TJP1: variants seen among roughly 807,000 people sequenced by gnomAD.
TJP1 encodes the protein tight junction protein ZO-1.
TJP1 carries 43 observed loss-of-function variants against 194.2 expected under a neutral mutation model. The observed-to-expected ratio is 0.22, with a 90% CI of 0.17 to 0.29. The LOEUF (loss-of-function observed/expected upper bound fraction) is 0.29, where lower values mean the gene tolerates loss of function less well. Among genes scored for constraint, TJP1 ranks in the 10% least tolerant of loss-of-function variants. The pLI, the probability that TJP1 is intolerant of heterozygous loss-of-function variation, is 1.00. For missense variants in TJP1, 1,971 were observed against 2,185.7 expected (o/e 0.90, Z 1.96); for synonymous variants, 801 against 779.0 (o/e 1.03, Z -0.47).
At chr15:29,860,308 G>A (rs1443649208) in intron 2 of TJP1, among the ~76,000 whole-genome samples, 1 of 152,140 alleles carries the variant, frequency 6.6e-6, no homozygotes, top group Non-Finnish European at 1.5e-5. Flanking sequence ...CCAGGGAGCA[G>A]AAAGTAATTA....
intron 2 of TJP1, among the ~76,000 whole-genome samples, chr15:29,850,062 C>T (rs1364995840): frequency 6.6e-6 from 1 of 152,286 alleles, no homozygotes; most frequent in East Asian, 1.9e-4. Flanking sequence ...AGAACTGAGG[C>T]CTCCTGCCAG....
At chr15:29,798,841 G>A (rs1005024632) in intron 2 of TJP1, among the ~76,000 whole-genome samples, 5 of 152,134 alleles carry the variant, frequency 3.3e-5, no homozygotes, top group African/African-American at 7.2e-5. Context: ...AGAAACTACT[G>A]ATAGAGTAAC....
chr15:29,791,071 G>A (rs1302994257), intron 2 of TJP1, among the ~76,000 whole-genome samples: 4 of 151,982 alleles, frequency 2.6e-5, no homozygotes, highest in Admixed American at 2.0e-4. Flanking sequence ...TCTGTCACCA[G>A]GCTGGAGTGC....
intron 1 of TJP1, among the ~76,000 whole-genome samples, chr15:29,961,231 C>T (rs533751441): frequency 5.9e-4 from 89 of 152,082 alleles, no homozygotes; most frequent in African/African-American, 2.0e-3. Context: ...GATTATTCCC[C>T]GCATATTTAG....
intron 2 of TJP1, among the ~76,000 whole-genome samples, chr15:29,914,826 A>G (rs1282157053): frequency 1.3e-5 from 2 of 151,842 alleles, no homozygotes; most frequent in Admixed American, 1.3e-4. Flanking sequence ...CGCTTGGGCC[A>G]TCTGGCCCCT....
intron 2 of TJP1, among the ~76,000 whole-genome samples, chr15:29,873,606 C>G (rs528330952): frequency 6.6e-6 from 1 of 152,256 alleles, no homozygotes; most frequent in Non-Finnish European, 1.5e-5. Flanking sequence ...GCTTTATATT[C>G]TTTTACAGTT....
Position 29,902,360 on chromosome 15 carries a change from G to A in TJP1, c.306+53872C>T, listed in dbSNP as rs141320910. Among the ~76,000 whole-genome samples the A allele has an allele frequency of 2.1e-3, 326 of 152,088 alleles. 1 individual carries two copies. The highest frequency in any genetic ancestry group is 7.5e-3 in the African/African-American group (312 of 41,498). On this transcript the variant is annotated intron_variant, in intron 2 of 28. Transcript: ENST00000356107. ...GTTTGTTCTAACTGTGGTATAGATA[G>A]AGGAAGAAATCATTAGCAAACTAAA... is the stretch of plus-strand genomic sequence containing the variant.
At chr15:29,946,598 C>T (rs73371194) in intron 2 of TJP1, among the ~76,000 whole-genome samples, 23,731 of 152,226 alleles carry the variant, frequency 0.16, 2,093 homozygotes, top group East Asian at 0.3. Flanking sequence ...TCGATGGACC[C>T]AGGCTGAAAA....
intron 27 of TJP1, among the ~76,000 whole-genome samples, chr15:29,702,233 C>T (rs1218791995): frequency 6.6e-6 from 1 of 152,136 alleles, no homozygotes. Flanking sequence ...TTCTTGAAGA[C>T]TGTCTTCCCC....
intron 2 of TJP1, among the ~76,000 whole-genome samples, chr15:29,939,993 G>C (rs1190677584): frequency 3.3e-5 from 5 of 152,098 alleles, no homozygotes; most frequent in Admixed American, 3.3e-4. Flanking sequence ...CCATGCACTT[G>C]AATAACAAAC....
At position 29,899,077 on chromosome 15, in the gene TJP1, T is replaced by C. The variant is rs76956773; in HGVS notation, c.306+57155A>G. ...GGAATGTGGAACATTACTGGGATGA[T>C]AATAATTATCCAATTAGGTTAATCT... On this transcript the variant is annotated intron_variant, in intron 2 of 28. Transcript: ENST00000356107. Among the ~76,000 whole-genome samples the C allele has an allele frequency of 2.9e-4, 44 of 152,322 alleles. No individual in the cohort carries two copies. The East Asian group carries it at 8.3e-3, about 29-fold the overall frequency.
chr15:29,761,571 G>C, intron 7 of TJP1, 30 bp downstream of exon 7: 1 of 1,570,316 alleles, frequency 6.4e-7, no homozygotes, highest in Non-Finnish European at 8.6e-7. Flanking sequence ...AGGTCACTTA[G>C]AGGGAACGTT....
chr15:29,853,447 G>A (rs1174409746), intron 2 of TJP1, among the ~76,000 whole-genome samples: 6 of 152,176 alleles, frequency 3.9e-5, no homozygotes, highest in African/African-American at 1.4e-4. Flanking sequence ...TAACATCAAT[G>A]CTAATATCCT....
chr15:29,868,856 G>A (rs1052072524), intron 2 of TJP1, among the ~76,000 whole-genome samples: 1 of 152,140 alleles, frequency 6.6e-6, no homozygotes, highest in African/African-American at 2.4e-5. Context: ...GCAGAAACTG[G>A]CCCTAGCAGA....
rs756207764 is a variant in TJP1 at position 29,836,763 on chromosome 15, T to A, written c.307-36061A>T. ...GAGACAGAGCCCTCATGAATGAGATTACTGACCTGATAAAAGGGCTGGAGG... is the reference window on the plus strand; with the variant it reads ...GAGACAGAGCCCTCATGAATGAGATAACTGACCTGATAAAAGGGCTGGAGG... On this transcript the variant is annotated intron_variant, in intron 2 of 28. Coordinates refer to the TJP1 transcript ENST00000356107. Among the ~76,000 whole-genome samples the A allele has an allele frequency of 1.5e-4, 23 of 152,194 alleles. 1 individual carries two copies. The highest frequency in any genetic ancestry group is 4.6e-4 in the Admixed American group (7 of 15,278).
intron 8 of TJP1, among the ~76,000 whole-genome samples, chr15:29,746,239 G>A (rs898148146): frequency 5.9e-5 from 9 of 152,094 alleles, no homozygotes; most frequent in East Asian, 1.9e-4. Flanking sequence ...TTGGCTGGGC[G>A]TGGTGGCGGG....
intron 2 of TJP1, among the ~76,000 whole-genome samples, chr15:29,861,823 G>C (rs781389830): frequency 1.3e-5 from 2 of 152,130 alleles, no homozygotes; most frequent in African/African-American, 2.4e-5. Context: ...ATCATTTAAA[G>C]CACAAAAGTT....
chr15:29,731,733 C>A (rs1373809712), intron 15 of TJP1, among the ~76,000 whole-genome samples: 5 of 151,588 alleles, frequency 3.3e-5, no homozygotes, highest in African/African-American at 1.2e-4. Flanking sequence ...ATTGTCTGCC[C>A]ATGTCCTGCC....
At position 29,733,238 on chromosome 15, in the gene TJP1, G is replaced by C. The variant is rs748568396; in HGVS notation, c.1592C>G (p.Ser531Cys). The C allele has an allele frequency of 1.2e-6, 2 of 1,613,986 alleles. No homozygotes were observed. The highest frequency in any genetic ancestry group is 1.7e-6 in the Non-Finnish European group (2 of 1,179,906). The part of the protein sequence containing the change: ...IRTHFEYEKE[S>C]PYGLSFNKGE... ...TTTGTTAAAACTAAGTCCATAGGGA[G>C]ATTCCTTTTCATATTCAAAATGGGT... is the stretch of plus-strand genomic sequence containing the variant. The change falls in exon 13 of 28, where the codon TCT becomes TGT. Residue 531 changes from serine (S) to cysteine (C), a missense_variant. Ser to Cys is a moderately radical substitution (Grantham distance 112). Transcript: ENST00000614355.
Sources: gnomAD v4.1 joint callset for allele counts (sites outside exome capture counted in the v4.1 genomes callset) on GRCh38, gnomAD v4.1.1 for gene constraint, MANE v1.5 for transcripts, NCBI Gene and HGNC (gene_info 2026-07-23, HGNC 2026-07-21) for gene names.